The following CSF3R variants were observed in gnomAD, a reference collection of about 807,000 sequenced individuals.
The protein encoded by CSF3R is granulocyte colony-stimulating factor receptor.
CSF3R carries 52 observed loss-of-function variants against 84.4 expected under a neutral mutation model. That is an observed-to-expected ratio of 0.62 (90% CI 0.49 to 0.78). The LOEUF is 0.78. CSF3R is among the 30% of genes least tolerant of loss of function. CSF3R has a pLI of 0.00. For missense variants in CSF3R, 890 were observed against 1,055.7 expected (o/e 0.84, Z 2.17); for synonymous variants, 384 against 429.1 (o/e 0.89, Z 1.30).
At chr1:36,479,606 T>A (rs1198868112) in intron 2 of CSF3R, 90 bp from the exon 3 acceptor site, 27 of 1,047,060 alleles carry the variant, frequency 2.6e-5, no homozygotes, top group Non-Finnish European at 4.0e-5. Context: ...TTGACTAGGT[T>A]GCTTGACTTC....
rs1650297119 is a variant in CSF3R at position 36,466,221 on chromosome 1, G to A, written c.*136C>T. On this transcript the variant is annotated 3_prime_UTR_variant, in exon 17 of 17. Coordinates refer to ENST00000373106, the MANE Select transcript of CSF3R (RefSeq NM_000760.4). This position sits in a 1 kb window ranked among gnomAD's most constrained non-coding sequence, Gnocchi z 4.6. Reference sequence around the variant, plus strand: ...CCAGCCTATGGAGATTGGGAGGAGAGGGAGATGCTGGTGACTGGAGATGGT... The same window carrying A: ...CCAGCCTATGGAGATTGGGAGGAGAAGGAGATGCTGGTGACTGGAGATGGT... 1.9e-6 allele frequency: 3 copies of A among 1,614,178 alleles called. No homozygotes were observed. Among genetic ancestry groups the A allele is most frequent in the Non-Finnish European group, 2.5e-6 (3 of 1,180,036 alleles).
Position 36,475,524 on chromosome 1 carries a change from C to CG in CSF3R, c.213dup (p.Gly72ArgfsTer9). 6.2e-7 allele frequency: 1 copy of CG among 1,613,992 alleles called. No individual in the cohort carries two copies. The highest frequency in any genetic ancestry group is 8.5e-7 in the Non-Finnish European group (1 of 1,179,892). On this transcript the variant is annotated frameshift_variant, in exon 4 of 17. Transcript: ENST00000373106. LOFTEE classifies it high-confidence loss of function. ...TCAGACAGACGCTGCTGCCTGCCCC[C>CG]GGGCTGAAGCTCTGCTCCCAGTCTC...
rs539481635 is a variant in CSF3R at position 36,467,771 on chromosome 1, G to A, written c.1864+51C>T. 9 of 1,614,004 alleles carry A rather than the reference G, an allele frequency of 5.6e-6. No individual in the cohort carries two copies. The highest frequency in any genetic ancestry group is 7.6e-6 in the Non-Finnish European group (9 of 1,179,864). On this transcript the variant is annotated intron_variant, in intron 14 of 16. Transcript: ENST00000373106. This position sits in a 1 kb window ranked among gnomAD's most constrained non-coding sequence, Gnocchi z 4.1. Reference sequence around the variant, plus strand: ...TACTCTCAAAATCAGCATCCTTTGGGTGGGGTACCCTCCAAACAGCCATCT... The same window carrying A: ...TACTCTCAAAATCAGCATCCTTTGGATGGGGTACCCTCCAAACAGCCATCT...
rs2124103328 is a variant in CSF3R at position 36,468,130 on chromosome 1, CTTCCCCAGCTCAGGGGG to C, written c.1651_1667del (p.Pro551GlufsTer147). 1 of 1,614,160 alleles carries C rather than the reference CTTCCCCAGCTCAGGGGG, an allele frequency of 6.2e-7. No homozygotes were observed. Among genetic ancestry groups the C allele is most frequent in the East Asian group, 2.2e-5 (1 of 44,876 alleles). ...AGATGGTGTAGTGGGTAAGGGGGCT[CTTCCCCAGCTCAGGGGG>C]CTCAGGCACCCACTCCAGCTGTGCC... On this transcript the variant is annotated frameshift_variant, in exon 13 of 17. Transcript: ENST00000373106. LOFTEE classifies it high-confidence loss of function.
At position 36,467,727 on chromosome 1, in the gene CSF3R, T is replaced by A. The variant is rs1200992593; in HGVS notation, c.1865-76A>T. The A allele has an allele frequency of 3.1e-6, 5 of 1,610,704 alleles. No homozygotes were observed. Among genetic ancestry groups the A allele is most frequent in the Non-Finnish European group, 4.2e-6 (5 of 1,176,914 alleles). ...GGGTCTCCTCCCTCCGACCAGGGGA[T>A]TCAAAGTCAGTCCCCAGCTACTCTC... On this transcript the variant is annotated intron_variant, in intron 14 of 16. Coordinates refer to ENST00000373106, the MANE Select transcript of CSF3R (RefSeq NM_000760.4). This position sits in a 1 kb window ranked among gnomAD's most constrained non-coding sequence, Gnocchi z 4.1.
rs3917977 is a variant in CSF3R at position 36,471,895 on chromosome 1, G to A, written c.1071+171C>T. 5,999 of 736,426 alleles carry A rather than the reference G, an allele frequency of 8.1e-3. 168 individuals carry two copies. The highest frequency in any genetic ancestry group is 0.08 in the African/African-American group (4,590 of 57,694). The allele number at this position is 736,426 out of a possible 1,614,324, so 45.6% of individuals were successfully genotyped here. On this transcript the variant is annotated intron_variant, in intron 9 of 16. Coordinates refer to ENST00000373106, the MANE Select transcript of CSF3R (RefSeq NM_000760.4). The stretch of plus-strand genomic sequence containing the variant: ...GAACCACACTGTGACGTGCGTTACA[G>A]TCTGTCCAAAAGCTAACTCAGCTCC...
Position 36,472,464 on chromosome 1 carries a change from C to T in CSF3R, c.843+53G>A, listed in dbSNP as rs1650828316. On this transcript the variant is annotated intron_variant, in intron 7 of 16. Transcript: ENST00000373106. The surrounding 1 kb of genome is among the most constrained non-coding windows in gnomAD (Gnocchi z 5.0). ...CTAGGGCCAGCTCGAGCCCGACTTA[C>T]CCTGCCCCCTGCCCCCACCACCTCA... is the stretch of plus-strand genomic sequence containing the variant. 1.9e-6 allele frequency: 3 copies of T among 1,613,900 alleles called. No homozygotes were observed. In the East Asian group the frequency reaches 6.7e-5, roughly 36 times the overall value.
chr1:36,474,361 G>GT (rs1650982636), intron 4 of CSF3R, among the ~76,000 whole-genome samples: 1 of 141,346 alleles, frequency 7.1e-6, no homozygotes, highest in East Asian at 2.3e-4. Flanking sequence ...GAAATGCTAT[G>GT]TAAGTGTTAG....
At position 36,467,687 on chromosome 1, in the gene CSF3R, C is replaced by T. The variant is rs754325073; in HGVS notation, c.1865-36G>A. ...GGCAGGGCCGGAAGAAGTTAGAATG[C>T]ATGTTGGGAAGGCTGGGTCTCCTCC... On this transcript the variant is annotated intron_variant, in intron 14 of 16. Transcript: ENST00000373106. The surrounding 1 kb of genome is among the most constrained non-coding windows in gnomAD (Gnocchi z 4.1). 6.2e-7 allele frequency: 1 copy of T among 1,612,500 alleles called. No homozygotes were observed. Among genetic ancestry groups the T allele is most frequent in the East Asian group, 2.2e-5 (1 of 44,868 alleles).
chr1:36,478,033 C>CA, intron 3 of CSF3R, among the ~76,000 whole-genome samples: 1 of 151,350 alleles, frequency 6.6e-6, no homozygotes, highest in Non-Finnish European at 1.5e-5. Context: ...GCTGGGATTA[C>CA]AGGCGTGAGC....
At chr1:36,479,239 A>G in intron 3 of CSF3R, 194 bp downstream of exon 3, 1 of 678,740 alleles carries the variant, frequency 1.5e-6, no homozygotes, top group South Asian at 1.6e-5. Flanking sequence ...TCGTCTCACC[A>G]TTCCTCTTGG....
At position 36,466,691 on chromosome 1, in the gene CSF3R, G is replaced by A; in HGVS notation, c.2177C>T (p.Thr726Ile). 6.2e-7 allele frequency: 1 copy of A among 1,614,224 alleles called. No homozygotes were observed. The highest frequency in any genetic ancestry group is 8.5e-7 in the Non-Finnish European group (1 of 1,180,036). Residue 726 changes from threonine to isoleucine, a missense_variant, in exon 17 of 17, where the codon ACC (threonine) becomes ATC (isoleucine). Transcript: ENST00000373106. The surrounding 1 kb of genome is among the most constrained non-coding windows in gnomAD (Gnocchi z 4.6). ...ETCGLPTLVQ[T>I]YVLQGDPRAV... ...TCTTGGGTCCCCCTGGAGCACATAG[G>A]TCTGGACCAGAGTGGGGAGGCCACA...
rs371768579 is a variant in CSF3R, at chr1:36,475,578, G to C, written c.160C>G (p.His54Asp). Reference protein sequence around the residue: ...ASCIIKQNCSHLDPEPQILWR... With the variant: ...ASCIIKQNCSDLDPEPQILWR... ...AGAATCTGTGGCTCCGGGTCCAGAT[G>C]GCTGCAGTTCTGCTTGATGATGCAG... The change falls in exon 4 of 17, where the codon CAT becomes GAT. Residue 54 changes from histidine (H) to aspartate (D), a missense_variant. Physicochemically the swap from His to Asp is moderately conservative, Grantham distance 81. Transcript: ENST00000373106. 1.1e-5 allele frequency: 18 copies of C among 1,613,340 alleles called. No individual in the cohort carries two copies. In the East Asian group the frequency reaches 2.5e-4, roughly 22 times the overall value.
At chr1:36,471,914 C>T (rs1650768473) in intron 9 of CSF3R, 152 bp downstream of exon 9, 1 of 804,842 alleles carries the variant, frequency 1.2e-6, no homozygotes, top group Non-Finnish European at 2.0e-6. Context: ...AAAGCTAACT[C>T]AGCTCCCTAG....
At position 36,466,563 on chromosome 1, in the gene CSF3R, G is replaced by A. The variant is rs201556754; in HGVS notation, c.2305C>T (p.Arg769Cys). Residue 769 changes from arginine to cysteine, a missense_variant, in exon 17 of 17, where the codon CGC becomes TGC. By Grantham distance (180) the Arg-to-Cys change is radical (BLOSUM62 -3). Coordinates refer to ENST00000373106, the MANE Select transcript of CSF3R (RefSeq NM_000760.4). The surrounding 1 kb of genome is among the most constrained non-coding windows in gnomAD (Gnocchi z 4.6). ...PTSPGPGHYL[R>C]CDSTQPLLAG... The stretch of plus-strand genomic sequence containing the variant: ...AAGAGGGGCTGAGTGGAGTCACAGC[G>A]GAGATAGTGCCCTGGCCCTGGGCTT... 1.3e-5 allele frequency: 21 copies of A among 1,610,424 alleles called. No individual in the cohort carries two copies. Among genetic ancestry groups the A allele is most frequent in the African/African-American group, 8.0e-5 (6 of 74,954 alleles).
At chr1:36,468,483 A>C (rs1570580311) in intron 12 of CSF3R, 1 of 373,110 alleles carries the variant, frequency 2.7e-6, no homozygotes, top group Non-Finnish European at 4.8e-6. Context: ...CATCTGATTT[A>C]CTCTCTGATT....
chr1:36,472,946 C>T lies in CSF3R; in HGVS notation c.674-260G>A, dbSNP rs944668702. The T allele has an allele frequency of 7.7e-6, 4 of 517,236 alleles. No individual in the cohort carries two copies. Among genetic ancestry groups the T allele is most frequent in the African/African-American group, 7.7e-5 (4 of 51,862 alleles). 32.0% of individuals were successfully genotyped at this position (517,236 alleles called of 1,614,324 possible). A position where few individuals can be genotyped will look rare whatever the true frequency, so the allele number is the denominator to read the frequency against. On this transcript the variant is annotated intron_variant, in intron 6 of 16. Coordinates refer to ENST00000373106, the MANE Select transcript of CSF3R (RefSeq NM_000760.4). The surrounding 1 kb of genome is among the most constrained non-coding windows in gnomAD (Gnocchi z 5.0). Reference sequence around the variant, plus strand: ...CAGCGGCTTGCTCCCTCATTTCCTTCAAGGATCTGCTCAATTGTCACCCTC... The same window carrying T: ...CAGCGGCTTGCTCCCTCATTTCCTTTAAGGATCTGCTCAATTGTCACCCTC...
intron 12 of CSF3R, chr1:36,468,736 A>C: frequency 4.4e-6 from 1 of 227,036 alleles, no homozygotes; most frequent in Non-Finnish European, 8.9e-6. Flanking sequence ...TTATTTATTT[A>C]TTTATTTATT....
Position 36,467,170 on chromosome 1 carries a change from C to T in CSF3R, c.2040+60G>A. The T allele has an allele frequency of 6.4e-7, 1 of 1,564,488 alleles. No homozygotes were observed. The highest frequency in any genetic ancestry group is 8.8e-7 in the Non-Finnish European group (1 of 1,134,818). ...TGAGTACTTGGCTTCAGAAGGTGTC[C>T]CTTCACTGAGCCTGGGCCGACATCC... On this transcript the variant is annotated intron_variant, in intron 16 of 16. Transcript: ENST00000373106. The surrounding 1 kb of genome is among the most constrained non-coding windows in gnomAD (Gnocchi z 4.1).
Sources: allele counts gnomAD v4.1 joint callset (sites outside exome capture counted in the v4.1 genomes callset), GRCh38; gene constraint gnomAD v4.1.1; non-coding constraint Gnocchi (gnomAD v3.1); transcripts MANE v1.5; gene names NCBI Gene and HGNC (gene_info 2026-07-23, HGNC 2026-07-21).